Variants in GPC6 observed in about 807,000 individuals in gnomAD.
GPC6 encodes glypican-6.
A neutral mutation model predicts 55.2 loss-of-function variants in GPC6; 14 were observed. The ratio of observed to expected loss-of-function variants is 0.25; its 90% CI spans 0.17 to 0.40. The LOEUF is 0.40. GPC6 is among the 10% of genes least tolerant of loss of function. The pLI, the probability that GPC6 is intolerant of heterozygous loss-of-function variation, is 1.00. For missense variants in GPC6, 641 were observed against 708.5 expected, an observed-to-expected ratio of 0.90 and a Z score of 1.08; for synonymous variants, 278 against 259.6, an observed-to-expected ratio of 1.07 and a Z score of -0.68.
chr13:93,285,640 G>GTA (rs1425882297), intron 1 of GPC6, among the ~76,000 whole-genome samples: 3 of 151,202 alleles, frequency 2.0e-5, no homozygotes, highest in African/African-American at 7.3e-5. Flanking sequence ...GTGTGTGTGT[G>GTA]TGTGTGTGTG....
intron 3 of GPC6, among the ~76,000 whole-genome samples, chr13:93,834,016 G>T (rs1225398678): frequency 6.6e-6 from 1 of 152,102 alleles, no homozygotes; most frequent in African/African-American, 2.4e-5. Flanking sequence ...TTGATGAGAG[G>T]TGGAATATCA....
At chr13:93,676,168 TAC>T (rs757719039) in intron 2 of GPC6, among the ~76,000 whole-genome samples, 29 of 39,442 alleles carry the variant, frequency 7.4e-4, no homozygotes, top group African/African-American at 2.4e-3. Flanking sequence ...TATATATATA[TAC>T]ATACACACAC....
In GPC6 at chr13:94,203,294, A is replaced by G. The variant is rs1380745864; in HGVS notation, c.878-83055A>G. On this transcript the variant is annotated intron_variant, in intron 4 of 8. Transcript: ENST00000377047. ...ATACTGACCCAGGTTTTACTAGATT[A>G]TATGTATCCTGTAAAATCAAAGAAA... Among the ~76,000 whole-genome samples the G allele has an allele frequency of 5.9e-5, 9 of 151,844 alleles. No homozygotes were observed. In the South Asian group the frequency reaches 1.5e-3, roughly 25 times the overall value.
intron 3 of GPC6, among the ~76,000 whole-genome samples, chr13:93,909,785 G>A (rs16949358): frequency 0.031 from 4,745 of 151,828 alleles, 92 homozygotes; most frequent in African/African-American, 0.052. Context: ...GTTACTTTTC[G>A]CACTATATTC....
chr13:93,985,778 C>T (rs769324439), intron 3 of GPC6, among the ~76,000 whole-genome samples: 7 of 150,676 alleles, frequency 4.6e-5, no homozygotes, highest in Non-Finnish European at 8.9e-5. Flanking sequence ...TCGCTTTCTG[C>T]TTGTATTGAA....
chr13:94,225,479 C>G (rs1194014587), intron 4 of GPC6, among the ~76,000 whole-genome samples: 1 of 151,900 alleles, frequency 6.6e-6, no homozygotes, highest in Non-Finnish European at 1.5e-5. Context: ...CAAACTATAT[C>G]CTATTCAGAC....
intron 3 of GPC6, among the ~76,000 whole-genome samples, chr13:93,835,049 A>G (rs1047367325): frequency 6.6e-6 from 1 of 152,190 alleles, no homozygotes; most frequent in African/African-American, 2.4e-5. Context: ...AGATATTAAC[A>G]GATTGTCTGC....
chr13:93,751,347 T>A (rs1007021838), intron 2 of GPC6, among the ~76,000 whole-genome samples: 1 of 152,010 alleles, frequency 6.6e-6, no homozygotes, highest in Admixed American at 6.6e-5. Flanking sequence ...AGGTTTAAAG[T>A]TCTGAGAATA....
chr13:93,448,423 T>G (rs1878092682), intron 1 of GPC6, among the ~76,000 whole-genome samples: 3 of 152,184 alleles, frequency 2.0e-5, no homozygotes, highest in Admixed American at 1.3e-4. Context: ...TGAAATCTCT[T>G]AACACTCATT....
intron 6 of GPC6, among the ~76,000 whole-genome samples, chr13:94,374,029 C>T (rs1015241957): frequency 2.0e-5 from 3 of 151,684 alleles, no homozygotes; most frequent in Non-Finnish European, 4.4e-5. Context: ...GATTTTGTCA[C>T]CACCAGTCCT....
intron 8 of GPC6, among the ~76,000 whole-genome samples, chr13:94,400,705 T>G (rs954017323): frequency 6.6e-6 from 1 of 152,176 alleles, no homozygotes; most frequent in African/African-American, 2.4e-5. Flanking sequence ...CAGCTAAGGA[T>G]GGCCCTGGTT....
rs551457461 is a variant in GPC6, at chr13:93,552,414, G to A, written c.319+6993G>A. Among the ~76,000 whole-genome samples, 6 of 151,574 alleles carry A rather than the reference G, an allele frequency of 4.0e-5. No homozygotes were observed. In the East Asian group the frequency reaches 1.2e-3, roughly 29 times the overall value. On this transcript the variant is annotated intron_variant, in intron 2 of 8. Transcript: ENST00000377047. ...TGGTGCATGTAGAACCCAGATCTTT[G>A]TACAACTGGAATATGCCTTCCTTCT...
At chr13:94,002,639 A>C (rs189230635) in intron 3 of GPC6, among the ~76,000 whole-genome samples, 1 of 152,226 alleles carries the variant, frequency 6.6e-6, no homozygotes, top group East Asian at 1.9e-4. Flanking sequence ...ATTAAATGTC[A>C]GGAATCCTGA....
At chr13:93,487,378 C>T (rs1566382059) in intron 1 of GPC6, among the ~76,000 whole-genome samples, 1 of 152,286 alleles carries the variant, frequency 6.6e-6, no homozygotes, top group East Asian at 1.9e-4. Flanking sequence ...CCATCCTCTA[C>T]CCTCAGACAG....
intron 4 of GPC6, among the ~76,000 whole-genome samples, chr13:94,233,109 A>G (rs1293819724): frequency 6.6e-6 from 1 of 150,534 alleles, no homozygotes; most frequent in Non-Finnish European, 1.5e-5. Flanking sequence ...AATATGCACC[A>G]CAATGTACCC....
intron 4 of GPC6, among the ~76,000 whole-genome samples, chr13:94,168,134 C>G (rs1040248410): frequency 7.2e-5 from 11 of 152,212 alleles, no homozygotes; most frequent in African/African-American, 2.7e-4. Context: ...ACCAAGACAA[C>G]TCAGCCAGTA....
At chr13:94,091,887 T>C (rs1885492792) in intron 4 of GPC6, among the ~76,000 whole-genome samples, 1 of 122,448 alleles carries the variant, frequency 8.2e-6, no homozygotes, top group African/African-American at 3.1e-5. Flanking sequence ...GAACTCGAGA[T>C]CAAATTCTGT....
intron 3 of GPC6, among the ~76,000 whole-genome samples, chr13:93,880,826 G>T (rs750985337): frequency 2.8e-4 from 43 of 151,216 alleles, no homozygotes; most frequent in Non-Finnish European, 4.6e-4. Flanking sequence ...GAATCACAGA[G>T]TGATTACCCA....
intron 4 of GPC6, among the ~76,000 whole-genome samples, chr13:94,270,815 A>G (rs545328921): frequency 1.3e-5 from 2 of 152,292 alleles, no homozygotes; most frequent in Admixed American, 1.3e-4. Context: ...TTCCATGGGA[A>G]GTTCTGAAAG....
Sources: allele counts gnomAD v4.1 joint callset (sites outside exome capture counted in the v4.1 genomes callset), GRCh38; gene constraint gnomAD v4.1.1; transcripts MANE v1.5; gene names NCBI Gene and HGNC (gene_info 2026-07-23, HGNC 2026-07-21).